The following LPP variants were observed in gnomAD, a reference collection of about 807,000 sequenced individuals.
The protein encoded by LPP is LIM domain containing preferred translocation partner in lipoma.
In LPP, 38 loss-of-function variants were observed where a neutral mutation model predicts 60.4. The observed-to-expected ratio is 0.63, with a 90% CI of 0.49 to 0.83. The LOEUF (loss-of-function observed/expected upper bound fraction) is 0.83, where lower values mean the gene tolerates loss of function less well. LPP is among the 40% of genes least tolerant of loss of function. LPP has a pLI of 0.00. For synonymous variants in LPP, 328 were observed against 290.8 expected (o/e 1.13, Z -1.30); for missense variants, 902 against 783.6 (o/e 1.15, Z -1.80).
At position 188,619,542 on chromosome 3, in the gene LPP, A is replaced by G. The variant is rs116367247; in HGVS notation, c.1113+9698A>G. ...TGTCACTTGCCACCTGATTTTGTAAATAATGTTTGCTTGAAATACAGCCAT... is the reference window on the plus strand; with the variant it reads ...TGTCACTTGCCACCTGATTTTGTAAGTAATGTTTGCTTGAAATACAGCCAT... On this transcript the variant is annotated intron_variant, in intron 7 of 11. Transcript: ENST00000617246. 3.7e-3 allele frequency among the ~76,000 whole-genome samples: 567 copies of G among 152,326 alleles called. 5 individuals carry two copies. The highest frequency in any genetic ancestry group is 0.013 in the African/African-American group (541 of 41,568).
intron 1 of LPP, among the ~76,000 whole-genome samples, chr3:188,177,229 TAG>T (rs908229175): frequency 1.4e-4 from 22 of 152,116 alleles, no homozygotes; most frequent in African/African-American, 4.3e-4. Flanking sequence ...TGCAATCCAG[TAG>T]AGATGCCCTC....
At chr3:188,585,938 T>C (rs1837334155) in intron 6 of LPP, among the ~76,000 whole-genome samples, 1 of 152,208 alleles carries the variant, frequency 6.6e-6, no homozygotes, top group Admixed American at 6.5e-5. Flanking sequence ...TGCTATAGCA[T>C]AAGGTCTATG....
chr3:188,564,094 TA>T (rs1250022309), intron 6 of LPP, among the ~76,000 whole-genome samples: 2 of 152,028 alleles, frequency 1.3e-5, no homozygotes, highest in African/African-American at 4.8e-5. Context: ...AGCAATGCAC[TA>T]AAAAATACCT....
chr3:188,887,475 C>T lies in LPP; in HGVS notation c.*12996C>T. On this transcript the variant is annotated 3_prime_UTR_variant, in exon 12 of 12. Transcript: ENST00000617246. The stretch of plus-strand genomic sequence containing the variant: ...AAAAGAGATTTTTATAATTTAAATG[C>T]CAACGACAGGAATGGCCTCATGTTT... 1 of 215,654 alleles carries T rather than the reference C, an allele frequency of 4.6e-6. No homozygotes were observed. Among genetic ancestry groups the T allele is most frequent in the Non-Finnish European group, 9.3e-6 (1 of 106,986 alleles). The allele number at this position is 215,654 out of a possible 1,614,324, so 13.4% of individuals were successfully genotyped here.
At chr3:188,853,979 G>T (rs750123915) in intron 9 of LPP, among the ~76,000 whole-genome samples, 2 of 152,044 alleles carry the variant, frequency 1.3e-5, no homozygotes, top group Non-Finnish European at 2.9e-5. Context: ...AAGCAGTGTG[G>T]GTTCTTTTTC....
chr3:188,383,026 A>G (rs1223559839), intron 3 of LPP, among the ~76,000 whole-genome samples: 2 of 152,150 alleles, frequency 1.3e-5, no homozygotes, highest in Non-Finnish European at 2.9e-5. Context: ...TTACTCCTAT[A>G]TTTGGTTCAA....
intron 7 of LPP, among the ~76,000 whole-genome samples, chr3:188,683,507 A>G (rs113391183): frequency 1.3e-5 from 2 of 152,122 alleles, no homozygotes; most frequent in African/African-American, 4.8e-5. Context: ...CTAGTTCTAT[A>G]TTTAGTCAAA....
chr3:188,393,706 CT>C (rs1305852769), intron 3 of LPP, among the ~76,000 whole-genome samples: 1 of 152,102 alleles, frequency 6.6e-6, no homozygotes, highest in Non-Finnish European at 1.5e-5. Context: ...GAGCTTAAGT[CT>C]TAGTATTTTC....
rs1030689291 is a variant in LPP, at chr3:188,217,512, A to G, written c.-189-7893A>G. 2.6e-5 allele frequency among the ~76,000 whole-genome samples: 4 copies of G among 152,054 alleles called. No individual in the cohort carries two copies. Among genetic ancestry groups the G allele is most frequent in the Non-Finnish European group, 4.4e-5 (3 of 68,010 alleles). ...TGGAGGGAACCTGATAGTAAAAGGG[A>G]GTCAAGGGTAGAAGCAAGAAGGTTA... On this transcript the variant is annotated intron_variant, in intron 1 of 11. Coordinates refer to ENST00000617246, the MANE Select transcript of LPP (RefSeq NM_001375462.1). This position sits in a 1 kb window ranked among gnomAD's most constrained non-coding sequence, Gnocchi z 4.0.
chr3:188,729,020 T>C (rs748268076), intron 8 of LPP, among the ~76,000 whole-genome samples: 1 of 152,144 alleles, frequency 6.6e-6, no homozygotes, highest in Non-Finnish European at 1.5e-5. Flanking sequence ...GTACCTATGA[T>C]TATGAGAGGG....
chr3:188,240,574 T>G (rs561765145), intron 2 of LPP, among the ~76,000 whole-genome samples: 1 of 152,276 alleles, frequency 6.6e-6, no homozygotes, highest in African/African-American at 2.4e-5. Context: ...TTCAAACTCA[T>G]TCCACTGTTA....
intron 3 of LPP, among the ~76,000 whole-genome samples, chr3:188,344,721 C>T (rs960665916): frequency 6.6e-6 from 1 of 152,190 alleles, no homozygotes; most frequent in African/African-American, 2.4e-5. Context: ...ACCAGACATG[C>T]AGTTAATGAC....
intron 1 of LPP, among the ~76,000 whole-genome samples, chr3:188,177,995 A>C (rs770300058): frequency 3.2e-4 from 48 of 152,130 alleles, no homozygotes; most frequent in Non-Finnish European, 6.5e-4. Context: ...TCATCCATAG[A>C]GGTTTTGGCA....
At chr3:188,809,358 T>C (rs1347184625) in intron 9 of LPP, among the ~76,000 whole-genome samples, 1 of 152,172 alleles carries the variant, frequency 6.6e-6, no homozygotes, top group Non-Finnish European at 1.5e-5. Flanking sequence ...GTTTCTTGAC[T>C]TTTTAATAAT....
intron 1 of LPP, among the ~76,000 whole-genome samples, chr3:188,166,363 A>G (rs1719937175): frequency 6.6e-6 from 1 of 152,314 alleles, no homozygotes; most frequent in East Asian, 1.9e-4. Flanking sequence ...TAGTGATGGA[A>G]CAACCATTTC....
At chr3:188,170,416 C>T (rs1313591880) in intron 1 of LPP, among the ~76,000 whole-genome samples, 2 of 151,028 alleles carry the variant, frequency 1.3e-5, no homozygotes, top group Admixed American at 6.6e-5. Flanking sequence ...CTGCAACCTC[C>T]GCCTCCCAGG....
intron 5 of LPP, among the ~76,000 whole-genome samples, chr3:188,485,611 A>C (rs941615425): frequency 2.6e-5 from 4 of 151,248 alleles, no homozygotes; most frequent in East Asian, 2.0e-4. Context: ...TCCCGGCTAA[A>C]ACGGTGAAAC....
At chr3:188,329,488 C>A (rs1398457693) in intron 2 of LPP, among the ~76,000 whole-genome samples, 1 of 152,110 alleles carries the variant, frequency 6.6e-6, no homozygotes, top group East Asian at 1.9e-4. Flanking sequence ...CATTCCTGAT[C>A]AAAAAACATG....
At chr3:188,334,559 T>A (rs746312726) in intron 2 of LPP, among the ~76,000 whole-genome samples, 1 of 150,908 alleles carries the variant, frequency 6.6e-6, no homozygotes, top group African/African-American at 2.4e-5. Flanking sequence ...GCCTCCCGAG[T>A]AGCTGGGACT....
Sources: allele counts gnomAD v4.1 joint callset (sites outside exome capture counted in the v4.1 genomes callset), GRCh38; gene constraint gnomAD v4.1.1; non-coding constraint Gnocchi (gnomAD v3.1); transcripts MANE v1.5; gene names NCBI Gene and HGNC (gene_info 2026-07-23, HGNC 2026-07-21).